Variants in ZNF827 observed in about 807,000 individuals in gnomAD.
The protein encoded by ZNF827 is zinc finger protein 827.
In ZNF827, 13 loss-of-function variants were observed where a neutral mutation model predicts 102.4. The observed-to-expected ratio is 0.13, with a 90% CI of 0.08 to 0.20. The LOEUF (loss-of-function observed/expected upper bound fraction) is 0.20, where lower values mean the gene tolerates loss of function less well. Among genes scored for constraint, ZNF827 ranks in the 10% least tolerant of loss-of-function variants. The pLI is 1.00. For missense variants in ZNF827, 1,103 were observed against 1,344.4 expected, an observed-to-expected ratio of 0.82 and a Z score of 2.81; for synonymous variants, 523 against 536.2, an observed-to-expected ratio of 0.98 and a Z score of 0.34.
intron 8 of ZNF827, among the ~76,000 whole-genome samples, chr4:145,796,908 G>A (rs562272232): frequency 6.6e-6 from 1 of 152,270 alleles, no homozygotes; most frequent in South Asian, 2.1e-4. Flanking sequence ...TGGGATTACT[G>A]GCATGAGCCA....
In ZNF827 at chr4:145,762,947, A is replaced by T; in HGVS notation, c.*17+143T>A. 1.4e-6 allele frequency: 1 copy of T among 740,630 alleles called. No individual in the cohort carries two copies. The highest frequency in any genetic ancestry group is 1.8e-5 in the South Asian group (1 of 54,390). 45.9% of individuals were successfully genotyped at this position (740,630 alleles called of 1,614,324 possible). ...TGTTCAGCAGAGCCCAACACAACCA[A>T]GTGCACCGTGCACGGCCTCCTCAGC... is the stretch of plus-strand genomic sequence containing the variant. On this transcript the variant is annotated intron_variant, in intron 14 of 14. Coordinates refer to ENST00000508784, the MANE Select transcript of ZNF827 (RefSeq NM_001306215.2). The surrounding 1 kb of genome is among the most constrained non-coding windows in gnomAD (Gnocchi z 4.9).
intron 4 of ZNF827, among the ~76,000 whole-genome samples, chr4:145,876,114 T>G (rs371459010): frequency 3.7e-4 from 57 of 152,282 alleles, no homozygotes; most frequent in East Asian, 1.4e-3. Context: ...TGGCTGCCTT[T>G]GCACTGATTT....
At chr4:145,764,953 A>G in intron 13 of ZNF827, 35 bp downstream of exon 13, 1 of 1,608,710 alleles carries the variant, frequency 6.2e-7, no homozygotes, top group Admixed American at 1.7e-5. Context: ...ATTTAATAAC[A>G]ACGCAGTAAA....
At chr4:145,835,007 G>A (rs970635364) in intron 7 of ZNF827, 17 of 152,310 alleles carry the variant, frequency 1.1e-4, no homozygotes, top group African/African-American at 4.1e-4. Flanking sequence ...CCTCCCACAG[G>A]AGCTTGCTAC....
At chr4:145,893,562 C>T (rs992788912) in intron 2 of ZNF827, among the ~76,000 whole-genome samples, 5 of 152,016 alleles carry the variant, frequency 3.3e-5, no homozygotes, top group Non-Finnish European at 5.9e-5. Flanking sequence ...TTTTTGTTTT[C>T]TAAAAAAGTG....
chr4:145,903,205 C>T lies in ZNF827; in HGVS notation c.54G>A (p.Arg18=). The change falls in exon 2 of 15, where the codon AGG becomes AGA. Residue 18 remains arginine, a synonymous_variant. Coordinates refer to ENST00000508784, the MANE Select transcript of ZNF827 (RefSeq NM_001306215.2). ...QPKRLPSHVS[R]QEEAEGELSE... ...TGAGCTCTCCCTCCGCCTCTTCCTGCCTACTAACATCTGGGGAGAATTAAG... is the reference window on the plus strand; with the variant it reads ...TGAGCTCTCCCTCCGCCTCTTCCTGTCTACTAACATCTGGGGAGAATTAAG... 1.2e-6 allele frequency: 2 copies of T among 1,608,118 alleles called. No individual in the cohort carries two copies. Among genetic ancestry groups the T allele is most frequent in the Non-Finnish European group, 1.7e-6 (2 of 1,175,926 alleles).
chr4:145,864,448 G>C (rs918916006), intron 5 of ZNF827, among the ~76,000 whole-genome samples: 13 of 140,826 alleles, frequency 9.2e-5, no homozygotes, highest in Non-Finnish European at 1.5e-5. Flanking sequence ...AAAAAAATTA[G>C]CTGAGTGTGA....
intron 7 of ZNF827, among the ~76,000 whole-genome samples, chr4:145,837,794 C>T (rs1327522181): frequency 2.0e-5 from 3 of 151,866 alleles, no homozygotes; most frequent in African/African-American, 4.8e-5. Context: ...TCAATTCATA[C>T]AAAACCGTAT....
At chr4:145,816,232 G>A (rs1742581265) in intron 8 of ZNF827, among the ~76,000 whole-genome samples, 1 of 152,200 alleles carries the variant, frequency 6.6e-6, no homozygotes, top group Non-Finnish European at 1.5e-5. Context: ...AAACATGAAA[G>A]TGTTGATAAT....
intron 1 of ZNF827, among the ~76,000 whole-genome samples, chr4:145,937,674 C>G (rs1331109472): frequency 7.3e-6 from 1 of 137,176 alleles, no homozygotes; most frequent in Non-Finnish European, 1.6e-5. Context: ...CCCAGCCGCT[C>G]CCGCCTCGCC....
intron 1 of ZNF827, among the ~76,000 whole-genome samples, chr4:145,917,595 C>T (rs1051050401): frequency 1.4e-5 from 2 of 144,546 alleles, no homozygotes; most frequent in Admixed American, 7.1e-5. Flanking sequence ...TTGGGGAACA[C>T]ACTCAAATCA....
At chr4:145,844,980 CTGTT>C (rs573059573) in intron 7 of ZNF827, among the ~76,000 whole-genome samples, 2 of 152,306 alleles carry the variant, frequency 1.3e-5, no homozygotes, top group Admixed American at 1.3e-4. Flanking sequence ...GAATCTTTCT[CTGTT>C]TGCTCAGGAA....
At chr4:145,905,147 G>A (rs4835268) in intron 1 of ZNF827, among the ~76,000 whole-genome samples, 2 of 152,132 alleles carry the variant, frequency 1.3e-5, no homozygotes, top group Non-Finnish European at 2.9e-5. Flanking sequence ...GGCAGGAATT[G>A]TATTTTATTA....
In ZNF827 at chr4:145,877,922, G is replaced by A. The variant is rs76259833; in HGVS notation, c.1748-7444C>T. On this transcript the variant is annotated intron_variant, in intron 4 of 14. Coordinates refer to ENST00000508784, the MANE Select transcript of ZNF827 (RefSeq NM_001306215.2). ...TATTTTAAATTCCCACTATTAACAC[G>A]GCCAAAGAATGAAATGTATGAGCAG... 5.4e-3 allele frequency among the ~76,000 whole-genome samples: 815 copies of A among 152,176 alleles called. 5 individuals are homozygous for A. The highest frequency in any genetic ancestry group is 0.018 in the African/African-American group (756 of 41,502).
At chr4:145,851,656 A>G (rs1052964040) in intron 5 of ZNF827, among the ~76,000 whole-genome samples, 5 of 152,104 alleles carry the variant, frequency 3.3e-5, no homozygotes, top group African/African-American at 9.7e-5. Context: ...TTTGTCAACA[A>G]CTAAACTGCA....
intron 7 of ZNF827, among the ~76,000 whole-genome samples, chr4:145,834,039 T>G (rs1364803642): frequency 6.6e-6 from 1 of 152,128 alleles, no homozygotes; most frequent in Non-Finnish European, 1.5e-5. Context: ...TCCCTTGGCC[T>G]GTGTTCTCAA....
At chr4:145,843,141 T>C (rs1343737683) in intron 7 of ZNF827, among the ~76,000 whole-genome samples, 1 of 151,876 alleles carries the variant, frequency 6.6e-6, no homozygotes, top group South Asian at 2.1e-4. Context: ...TTTTATTCTA[T>C]TCCACCTGAA....
intron 1 of ZNF827, among the ~76,000 whole-genome samples, chr4:145,907,446 CA>C (rs1337260141): frequency 1.3e-5 from 2 of 152,188 alleles, no homozygotes; most frequent in African/African-American, 4.8e-5. Context: ...CTGGACACAA[CA>C]AACTTTAGAA....
chr4:145,875,254 G>A (rs529739326), intron 4 of ZNF827, among the ~76,000 whole-genome samples: 28 of 152,208 alleles, frequency 1.8e-4, no homozygotes, highest in Admixed American at 3.9e-4. Flanking sequence ...TCAATCACAG[G>A]AGACAGATGT....
Sources: allele counts gnomAD v4.1 joint callset (sites outside exome capture counted in the v4.1 genomes callset), GRCh38; gene constraint gnomAD v4.1.1; non-coding constraint Gnocchi (gnomAD v3.1); transcripts MANE v1.5; gene names NCBI Gene and HGNC (gene_info 2026-07-23, HGNC 2026-07-21).